RASA3: variants seen among roughly 807,000 people sequenced by gnomAD.
RASA3 encodes the protein ras GTPase-activating protein 3.
In RASA3, 73 loss-of-function variants were observed where a neutral mutation model predicts 110.0. The ratio of observed to expected loss-of-function variants is 0.66; its 90% CI spans 0.55 to 0.81. RASA3 has a LOEUF of 0.81. Ranked by LOEUF, RASA3 falls within the 30% of genes least tolerant of loss-of-function variation. The pLI, the probability that RASA3 is intolerant of heterozygous loss-of-function variation, is 0.00. For synonymous variants in RASA3, 500 were observed against 451.4 expected, an observed-to-expected ratio of 1.11 and a Z score of -1.37; for missense variants, 976 against 1,113.2, an observed-to-expected ratio of 0.88 and a Z score of 1.75.
chr13:114,013,130 C>T lies in RASA3; in HGVS notation c.1512+12G>A. On this transcript the variant is annotated intron_variant, in intron 15 of 23. Coordinates refer to ENST00000334062, the MANE Select transcript of RASA3 (RefSeq NM_007368.4). ...AGCTCAGAAAGCCTCGGTCCCTCAG[C>T]CGGTCACTCACCGTGTGGTGCGGCG... is the stretch of plus-strand genomic sequence containing the variant. 2 of 1,607,906 alleles carry T rather than the reference C, an allele frequency of 1.2e-6. No homozygotes were observed. The highest frequency in any genetic ancestry group is 1.7e-6 in the Non-Finnish European group (2 of 1,177,312).
intron 18 of RASA3, among the ~76,000 whole-genome samples, chr13:114,003,487 T>C (rs548054334): frequency 4.8e-4 from 73 of 152,370 alleles, no homozygotes; most frequent in Non-Finnish European, 7.9e-4. Flanking sequence ...AAGTAAAAAG[T>C]TTCCTCTTCA....
At chr13:114,074,084 T>C (rs541244576) in intron 1 of RASA3, among the ~76,000 whole-genome samples, 8 of 152,364 alleles carry the variant, frequency 5.3e-5, no homozygotes, top group Admixed American at 3.3e-4. Flanking sequence ...GGACTCAGGA[T>C]TGCTGTGTCT....
intron 1 of RASA3, among the ~76,000 whole-genome samples, chr13:114,117,657 C>A (rs1404895053): frequency 1.9e-5 from 2 of 104,506 alleles, no homozygotes; most frequent in Non-Finnish European, 3.7e-5. Flanking sequence ...GAGGGGTGCA[C>A]GTGTGTGAGG....
At chr13:114,053,387 C>A (rs1002144891) in intron 2 of RASA3, among the ~76,000 whole-genome samples, 4 of 152,254 alleles carry the variant, frequency 2.6e-5, no homozygotes, top group Non-Finnish European at 5.9e-5. Context: ...AGTTTCCTCC[C>A]CACGCCGGAC....
At chr13:114,101,066 A>C (rs1194869174) in intron 1 of RASA3, among the ~76,000 whole-genome samples, 1 of 152,128 alleles carries the variant, frequency 6.6e-6, no homozygotes. Context: ...CCGGGGGTGT[A>C]GGGACAGGGG....
Position 114,096,227 on chromosome 13 carries a change from C to T in RASA3, c.56-22390G>A, listed in dbSNP as rs541423734. ...GGGAAGGGAGTGCGCAGGCCCACCCCGGCGTGCTGCCTGGGAGTCCACGTT... is the reference window on the plus strand; with the variant it reads ...GGGAAGGGAGTGCGCAGGCCCACCCTGGCGTGCTGCCTGGGAGTCCACGTT... On this transcript the variant is annotated intron_variant, in intron 1 of 23. Coordinates refer to ENST00000334062, the MANE Select transcript of RASA3 (RefSeq NM_007368.4). The surrounding 1 kb of genome is among the most constrained non-coding windows in gnomAD (Gnocchi z 5.1). Among the ~76,000 whole-genome samples the T allele has an allele frequency of 8.5e-4, 130 of 152,298 alleles. No homozygotes were observed. Among genetic ancestry groups the T allele is most frequent in the Non-Finnish European group, 1.3e-3 (88 of 68,030 alleles).
At chr13:114,117,476 G>C (rs999425784) in intron 1 of RASA3, among the ~76,000 whole-genome samples, 1 of 138,832 alleles carries the variant, frequency 7.2e-6, no homozygotes, top group Non-Finnish European at 1.6e-5. Context: ...GTGCACATCT[G>C]TGGGTGAGCA....
intron 20 of RASA3, among the ~76,000 whole-genome samples, 167 bp downstream of exon 20, chr13:113,999,418 A>T (rs1322189988): frequency 6.6e-6 from 1 of 151,976 alleles, no homozygotes; most frequent in Non-Finnish European, 1.5e-5. Flanking sequence ...AGATTCCGAC[A>T]CAAACTCACC....
Position 114,048,945 on chromosome 13 carries a change from C to T in RASA3, c.277+3107G>A, listed in dbSNP as rs2139534421. 1.3e-5 allele frequency among the ~76,000 whole-genome samples: 2 copies of T among 152,146 alleles called. No individual in the cohort carries two copies. Among genetic ancestry groups the T allele is most frequent in the South Asian group, 4.2e-4 (2 of 4,800 alleles). On this transcript the variant is annotated intron_variant, in intron 3 of 23. Transcript: ENST00000334062. The surrounding 1 kb of genome is among the most constrained non-coding windows in gnomAD (Gnocchi z 4.3). ...CTTGCCGGGGCGCCGTATCCCGGCA[C>T]GGCTTCAGCTGCCTTTCTCGGTTTC...
intron 2 of RASA3, among the ~76,000 whole-genome samples, chr13:114,062,190 T>TC (rs1405917810): frequency 1.3e-5 from 2 of 151,100 alleles, no homozygotes; most frequent in Admixed American, 1.3e-4. Context: ...TCCTGTGGGT[T>TC]TTTTTTTTAC....
At chr13:114,103,979 G>C (rs867348709) in intron 1 of RASA3, among the ~76,000 whole-genome samples, 22 of 13,962 alleles carry the variant, frequency 1.6e-3, no homozygotes, top group African/African-American at 2.8e-3. Context: ...CCACACTGCC[G>C]CCGGCCACAG....
At position 114,112,278 on chromosome 13, in the gene RASA3, C is replaced by G. The variant is rs1566582110; in HGVS notation, c.55+20157G>C. On this transcript the variant is annotated intron_variant, in intron 1 of 23. Transcript: ENST00000334062. This position sits in a 1 kb window ranked among gnomAD's most constrained non-coding sequence, Gnocchi z 4.8. ...AGGCCAGCTCCAGGCAGCCCCGCAT[C>G]TGCTCAGCAATCCCCGGAGTCTTCT... Among the ~76,000 whole-genome samples, 1 of 152,254 alleles carries G rather than the reference C, an allele frequency of 6.6e-6. No individual in the cohort carries two copies. Among genetic ancestry groups the G allele is most frequent in the Non-Finnish European group, 1.5e-5 (1 of 68,052 alleles).
intron 21 of RASA3, 84 bp from the exon 22 acceptor site, chr13:113,992,672 A>G (rs2053146658): frequency 1.9e-6 from 2 of 1,068,110 alleles, no homozygotes; most frequent in Non-Finnish European, 2.8e-6. Flanking sequence ...TTAAAATGTC[A>G]CTGAAGAAAG....
intron 1 of RASA3, among the ~76,000 whole-genome samples, chr13:114,131,116 C>T (rs2080512406): frequency 6.6e-6 from 1 of 152,228 alleles, no homozygotes; most frequent in Admixed American, 6.5e-5. Flanking sequence ...GCTTCTGGGC[C>T]AAATATCAAG....
At chr13:114,059,272 C>G (rs559585115) in intron 2 of RASA3, among the ~76,000 whole-genome samples, 1 of 152,316 alleles carries the variant, frequency 6.6e-6, no homozygotes, top group African/African-American at 2.4e-5. Flanking sequence ...AGCACAGTCC[C>G]CAGGTGCAGC....
intron 2 of RASA3, among the ~76,000 whole-genome samples, chr13:114,066,137 A>C (rs1000651879): frequency 6.6e-6 from 1 of 152,170 alleles, no homozygotes; most frequent in African/African-American, 2.4e-5. Context: ...CCTCTCCTGC[A>C]CATGAGGCTC....
chr13:114,078,606 A>T (rs1274148828), intron 1 of RASA3, among the ~76,000 whole-genome samples: 1 of 152,242 alleles, frequency 6.6e-6, no homozygotes, highest in Non-Finnish European at 1.5e-5. Flanking sequence ...TAACAGGAGT[A>T]AAAGGCAGCA....
At chr13:114,072,026 G>A (rs1372989116) in intron 2 of RASA3, among the ~76,000 whole-genome samples, 4 of 152,056 alleles carry the variant, frequency 2.6e-5, no homozygotes, top group Admixed American at 1.3e-4. Context: ...TCCCCAAGCC[G>A]CTCCTTATAA....
chr13:114,104,209 G>A (rs113505203), intron 1 of RASA3, among the ~76,000 whole-genome samples: 1 of 52,392 alleles, frequency 1.9e-5, no homozygotes, highest in African/African-American at 1.1e-4. Flanking sequence ...ATGCGTCCAC[G>A]CTGCCACGGC....
Sources: allele counts gnomAD v4.1 joint callset (sites outside exome capture counted in the v4.1 genomes callset), GRCh38; gene constraint gnomAD v4.1.1; non-coding constraint Gnocchi (gnomAD v3.1); transcripts MANE v1.5; gene names NCBI Gene and HGNC (gene_info 2026-07-23, HGNC 2026-07-21).